BCLAF1: variants seen among roughly 807,000 people sequenced by gnomAD.
BCLAF1 encodes bcl-2-associated transcription factor 1.
Under a neutral mutation model 99.5 loss-of-function variants are expected in BCLAF1, and 10 were observed. The ratio of observed to expected loss-of-function variants is 0.10; its 90% CI spans 0.06 to 0.17. The LOEUF (loss-of-function observed/expected upper bound fraction) is 0.17, where lower values mean the gene tolerates loss of function less well. Ranked by LOEUF, BCLAF1 falls within the 10% of genes least tolerant of loss-of-function variation. The pLI, the probability that BCLAF1 is intolerant of heterozygous loss-of-function variation, is 1.00. For missense variants in BCLAF1, 636 were observed against 1,105.8 expected, an observed-to-expected ratio of 0.58 and a Z score of 6.02; for synonymous variants, 255 against 370.9, an observed-to-expected ratio of 0.69 and a Z score of 3.59.
intron 9 of BCLAF1, chr6:136,269,014 T>C (rs1378587263): frequency 9.0e-6 from 6 of 664,022 alleles, no homozygotes; most frequent in Non-Finnish European, 7.9e-6. Context: ...CACATTGCTA[T>C]TTCTAGTCCT....
chr6:136,281,308 G>A (rs991165584), intron 2 of BCLAF1, among the ~76,000 whole-genome samples: 73 of 151,982 alleles, frequency 4.8e-4, no homozygotes, highest in African/African-American at 1.7e-3. Flanking sequence ...AATAAATTTA[G>A]CATTAACATA....
chr6:136,269,776 G>C, intron 8 of BCLAF1, 164 bp from the exon 9 acceptor site: 1 of 475,052 alleles, frequency 2.1e-6, no homozygotes, highest in Non-Finnish European at 3.5e-6. Flanking sequence ...GTTAAAAAAT[G>C]TACTTGACTA....
chr6:136,284,130 G>GTGTGTATATA (rs36141174), intron 1 of BCLAF1, among the ~76,000 whole-genome samples: 141 of 122,096 alleles, frequency 1.2e-3, no homozygotes, highest in African/African-American at 4.8e-3. Context: ...GTGTGTGTGT[G>GTGTGTATATA]TATATATATA....
intron 1 of BCLAF1, among the ~76,000 whole-genome samples, chr6:136,283,110 C>T (rs1188006230): frequency 7.2e-6 from 1 of 139,264 alleles, no homozygotes; most frequent in East Asian, 2.2e-4. Context: ...CTGCAATGCA[C>T]TGTGATCACA....
rs753910040 is a variant in BCLAF1, at chr6:136,272,017, A to G, written c.2021T>C (p.Val674Ala). The change falls in exon 8 of 13, where the codon GTT becomes GCT. Residue 674 changes from valine (V) to alanine (A), a missense_variant. This residue lies in a region of BCLAF1 where 180 missense variants were observed against 270.0 expected (regional missense o/e 0.67). Coordinates refer to ENST00000531224, the MANE Select transcript of BCLAF1 (RefSeq NM_014739.3). Reference protein sequence around the residue: ...KHTRLAGEERVFKEENQKGDK... With the variant: ...KHTRLAGEERAFKEENQKGDK... ...TACCTTTTGATTTTCTTCTTTAAAAACTCTCTCTTCCCCTGCTAAACGGGT... is the reference window on the plus strand; with the variant it reads ...TACCTTTTGATTTTCTTCTTTAAAAGCTCTCTCTTCCCCTGCTAAACGGGT... 14 of 1,603,258 alleles carry G rather than the reference A, an allele frequency of 8.7e-6. No homozygotes were observed. The Admixed American group carries it at 1.4e-4, about 16-fold the overall frequency.
Position 136,257,007 on chromosome 6 carries a change from T to C in BCLAF1, c.*4103A>G, listed in dbSNP as rs1307704509. The C allele has an allele frequency of 6.6e-6, 1 of 152,198 alleles. No homozygotes were observed. Among genetic ancestry groups the C allele is most frequent in the African/African-American group, 2.4e-5 (1 of 41,440 alleles). 9.4% of individuals were successfully genotyped at this position (152,198 alleles called of 1,614,324 possible). A position where few individuals can be genotyped will look rare whatever the true frequency, so the allele number is the denominator to read the frequency against. ...TAAACATACAGTGTAGCTATGATCA[T>C]GTACTTTTATTAAAGGCAGAGCTCA... is the stretch of plus-strand genomic sequence containing the variant. On this transcript the variant is annotated 3_prime_UTR_variant, in exon 13 of 13. Transcript: ENST00000531224.
At chr6:136,286,461 G>A (rs1052417351) in intron 1 of BCLAF1, among the ~76,000 whole-genome samples, 3 of 152,146 alleles carry the variant, frequency 2.0e-5, no homozygotes, top group African/African-American at 4.8e-5. Flanking sequence ...CAAGTACAGG[G>A]TTAAATGAAC....
At chr6:136,285,866 G>A (rs797560) in intron 1 of BCLAF1, among the ~76,000 whole-genome samples, 29,140 of 152,086 alleles carry the variant, frequency 0.19, 3,174 homozygotes, top group African/African-American at 0.31. Context: ...TTGGGAGGCC[G>A]AGGTGAGCGG....
chr6:136,276,902 CTAT>C (rs1363548198), intron 4 of BCLAF1, among the ~76,000 whole-genome samples: 7 of 152,130 alleles, frequency 4.6e-5, no homozygotes, highest in Admixed American at 4.6e-4. Flanking sequence ...CAGATATTAT[CTAT>C]TAATATAAAC....
chr6:136,274,261 G>T, intron 6 of BCLAF1: 1 of 710,724 alleles, frequency 1.4e-6, no homozygotes, highest in Non-Finnish European at 2.0e-6. Flanking sequence ...GTTCAGATCG[G>T]TTGCACAATA....
intron 8 of BCLAF1, chr6:136,270,527 C>T (rs1444669402): frequency 6.6e-6 from 1 of 151,700 alleles, no homozygotes; most frequent in African/African-American, 2.4e-5. Flanking sequence ...TACGTATCTC[C>T]AAATGATATC....
intron 1 of BCLAF1, among the ~76,000 whole-genome samples, chr6:136,289,352 G>A (rs1190726534): frequency 1.3e-5 from 2 of 152,244 alleles, no homozygotes; most frequent in African/African-American, 2.4e-5. Flanking sequence ...ACGAGCGCGC[G>A]TGCGCGGAGC....
chr6:136,265,899 T>A (rs1040779284), intron 11 of BCLAF1, among the ~76,000 whole-genome samples: 3 of 152,178 alleles, frequency 2.0e-5, no homozygotes, highest in African/African-American at 7.2e-5. Flanking sequence ...CATAAACATG[T>A]CTGTTAATAC....
intron 9 of BCLAF1, 100 bp from the exon 10 acceptor site, chr6:136,268,439 T>A: frequency 1.9e-6 from 2 of 1,029,480 alleles, no homozygotes; most frequent in Non-Finnish European, 2.9e-6. Context: ...AACAACACTA[T>A]CCCCTAATAA....
In BCLAF1 at chr6:136,278,069, C is replaced by T. The variant is rs750615245; in HGVS notation, c.812G>A (p.Arg271Lys). 6.2e-7 allele frequency: 1 copy of T among 1,604,526 alleles called. No homozygotes were observed. The highest frequency in any genetic ancestry group is 8.5e-7 in the Non-Finnish European group (1 of 1,173,596). ...HSHSIQHSPE[R>K]SGSGSVGNGS... Reference sequence around the variant, plus strand: ...ATTTCCAACAGAACCAGACCCAGACCTTTCAGGACTATGCTGAATGGAATG... The same window carrying T: ...ATTTCCAACAGAACCAGACCCAGACTTTTCAGGACTATGCTGAATGGAATG... The change falls in exon 4 of 13, where the codon AGG (arginine) becomes AAG (lysine). Residue 271 changes from arginine to lysine, a missense_variant. This residue lies in a region of BCLAF1 where 5 missense variants were observed against 35.0 expected (regional missense o/e 0.14). Transcript: ENST00000531224.
At chr6:136,268,434 C>T in intron 9 of BCLAF1, 95 bp from the exon 10 acceptor site, 1 of 1,061,598 alleles carries the variant, frequency 9.4e-7, no homozygotes, top group Non-Finnish European at 1.4e-6. Context: ...AAGTCAACAA[C>T]ACTATCCCCT....
chr6:136,280,689 C>G (rs886738385), intron 2 of BCLAF1, among the ~76,000 whole-genome samples: 3 of 151,962 alleles, frequency 2.0e-5, no homozygotes, highest in Non-Finnish European at 2.9e-5. Context: ...TCATTGGGTA[C>G]AGAAATCAGT....
chr6:136,265,700 T>C (rs1781620664), intron 11 of BCLAF1, among the ~76,000 whole-genome samples: 1 of 152,140 alleles, frequency 6.6e-6, no homozygotes, highest in African/African-American at 2.4e-5. Context: ...AACCTCAAGA[T>C]TAAGGTCAAG....
chr6:136,282,930 A>C (rs2128489451), intron 1 of BCLAF1, among the ~76,000 whole-genome samples: 1 of 152,132 alleles, frequency 6.6e-6, no homozygotes, highest in South Asian at 2.1e-4. Flanking sequence ...CTTGAATTCT[A>C]ATTTTAGTAA....
Sources: allele counts gnomAD v4.1 joint callset (sites outside exome capture counted in the v4.1 genomes callset), GRCh38; gene constraint gnomAD v4.1.1; regional missense constraint gnomAD v4.1.1; transcripts MANE v1.5; gene names NCBI Gene and HGNC (gene_info 2026-07-23, HGNC 2026-07-21).